Variants in MTAP observed in about 807,000 individuals in gnomAD.
MTAP encodes the protein S-methyl-5'-thioadenosine phosphorylase.
In MTAP, 33 loss-of-function variants were observed where a neutral mutation model predicts 33.6. The ratio of observed to expected loss-of-function variants is 0.98; its 90% CI spans 0.74 to 1.31. The LOEUF (loss-of-function observed/expected upper bound fraction) is 1.31, where lower values mean the gene tolerates loss of function less well. MTAP is among the 40% of genes most tolerant of loss of function. The probability of loss-of-function intolerance (pLI) is 0.00; values close to 1 mark genes in which losing one functional copy is unlikely to be tolerated. For synonymous variants in MTAP, 148 were observed against 125.7 expected (o/e 1.18, Z -1.19); for missense variants, 367 against 360.0 (o/e 1.02, Z -0.16).
chr9:21,843,008 G>A (rs541221814), intron 5 of MTAP, among the ~76,000 whole-genome samples: 3 of 152,280 alleles, frequency 2.0e-5, no homozygotes, highest in East Asian at 1.9e-4. Flanking sequence ...AGTATCTGCA[G>A]TCTTCAGGAG....
At chr9:21,838,975 T>C (rs960033900) in intron 5 of MTAP, among the ~76,000 whole-genome samples, 10 of 152,214 alleles carry the variant, frequency 6.6e-5, no homozygotes, top group South Asian at 2.1e-4. Context: ...TTATGTTTTA[T>C]CCTACATAAT....
intron 1 of MTAP, among the ~76,000 whole-genome samples, chr9:21,888,684 G>A (rs1448646168): frequency 1.3e-5 from 2 of 151,894 alleles, no homozygotes; most frequent in Non-Finnish European, 1.5e-5. Flanking sequence ...TTTTTCCACC[G>A]CTTTACCTTA....
chr9:21,807,562 G>A lies in MTAP; in HGVS notation c.33+4781G>A, dbSNP rs1417847365. On this transcript the variant is annotated intron_variant, in intron 1 of 7. Coordinates refer to ENST00000644715, the MANE Select transcript of MTAP (RefSeq NM_002451.4). The stretch of plus-strand genomic sequence containing the variant: ...AACCCTTAACCTCCTCCACAGAAAT[G>A]CCAGTAGCACTCCCCCTAGTCATGA... Among the ~76,000 whole-genome samples, 4 of 152,214 alleles carry A rather than the reference G, an allele frequency of 2.6e-5. No individual in the cohort carries two copies. In the South Asian group the frequency reaches 6.2e-4, roughly 24 times the overall value.
intron 1 of MTAP, among the ~76,000 whole-genome samples, chr9:21,880,710 A>C (rs957456340): frequency 9.2e-5 from 14 of 152,130 alleles, no homozygotes; most frequent in Non-Finnish European, 1.9e-4. Context: ...ACTGCAAAAC[A>C]TACTCTGCTT....
chr9:21,870,690 T>C (rs1042079932), downstream of MTAP, among the ~76,000 whole-genome samples: 2 of 151,858 alleles, frequency 1.3e-5, no homozygotes, highest in Non-Finnish European at 1.5e-5. Context: ...TTAAAAATTA[T>C]GAAATTTTTA....
chr9:21,822,845 G>C (rs940603149), intron 4 of MTAP, among the ~76,000 whole-genome samples: 1 of 152,138 alleles, frequency 6.6e-6, no homozygotes, highest in Non-Finnish European at 1.5e-5. Context: ...AGGATAGTTG[G>C]CTCTTCTTGT....
intron 1 of MTAP, among the ~76,000 whole-genome samples, chr9:21,927,750 G>T (rs1818892469): frequency 6.6e-6 from 1 of 152,170 alleles, no homozygotes; most frequent in Non-Finnish European, 1.5e-5. Flanking sequence ...ACATTGACCA[G>T]GGCCCTAAAA....
Position 21,864,674 on chromosome 9 carries a change from C to T in MTAP, c.*2660C>T. On this transcript the variant is annotated 3_prime_UTR_variant, in exon 8 of 8. Transcript: ENST00000644715. ...GCTGTGCAGGGCTGGAGGTAGCTACCATGGCTTGTTTCAAGGAAGGAAACT... is the reference window on the plus strand; with the variant it reads ...GCTGTGCAGGGCTGGAGGTAGCTACTATGGCTTGTTTCAAGGAAGGAAACT... 1 of 985,468 alleles carries T rather than the reference C, an allele frequency of 1.0e-6. No homozygotes were observed. Among genetic ancestry groups the T allele is most frequent in the Non-Finnish European group, 1.2e-6 (1 of 830,000 alleles). 61.0% of individuals were successfully genotyped at this position (985,468 alleles called of 1,614,324 possible).
rs753392319 is a variant in MTAP at position 21,802,985 on chromosome 9, AACACACACACACACACAC to A, written c.33+239_33+256del. 7.6e-3 allele frequency: 3,374 copies of A among 444,638 alleles called. 11 individuals are homozygous for A. Among genetic ancestry groups the A allele is most frequent in the Middle Eastern group, 0.014 (23 of 1,664 alleles). 27.5% of individuals were successfully genotyped at this position (444,638 alleles called of 1,614,324 possible). A position where few individuals can be genotyped will look rare whatever the true frequency, so the allele number is the denominator to read the frequency against. On this transcript the variant is annotated intron_variant, in intron 1 of 7. Transcript: ENST00000644715. The stretch of plus-strand genomic sequence containing the variant: ...CAAATGATCCCCCTGCCGCACCGCC[AACACACACACACACACAC>A]ACACACACACACACACACACACACA...
chr9:21,884,838 G>C (rs1201946664), intron 1 of MTAP, among the ~76,000 whole-genome samples: 2 of 152,132 alleles, frequency 1.3e-5, no homozygotes, highest in Non-Finnish European at 2.9e-5. Flanking sequence ...CTATAAAATT[G>C]CATGATTCCC....
chr9:21,902,272 C>T (rs1230118865), intron 1 of MTAP, among the ~76,000 whole-genome samples: 2 of 152,200 alleles, frequency 1.3e-5, no homozygotes, highest in Non-Finnish European at 2.9e-5. Flanking sequence ...GCTAGTGTCC[C>T]TTCAAACCCT....
At chr9:21,819,634 A>G (rs1194661336) in intron 4 of MTAP, among the ~76,000 whole-genome samples, 2 of 152,238 alleles carry the variant, frequency 1.3e-5, no homozygotes, top group African/African-American at 4.8e-5. Context: ...AGCATGATTT[A>G]TAATCCTTTG....
intron 6 of MTAP, among the ~76,000 whole-genome samples, chr9:21,856,479 A>G (rs1251964676): frequency 1.3e-5 from 2 of 152,152 alleles, no homozygotes; most frequent in African/African-American, 4.8e-5. Flanking sequence ...CTAAGGAACA[A>G]CTCAGCCTCG....
downstream of MTAP, chr9:21,932,509 T>G (rs139688230): frequency 3.9e-5 from 6 of 152,358 alleles, no homozygotes; most frequent in African/African-American, 1.2e-4. Flanking sequence ...TTTTCAGGTT[T>G]TTTTGTGTGT....
chr9:21,913,342 C>T (rs1818617717), intron 1 of MTAP, among the ~76,000 whole-genome samples: 2 of 152,170 alleles, frequency 1.3e-5, no homozygotes, highest in Non-Finnish European at 2.9e-5. Flanking sequence ...GCCAAAAGAA[C>T]AAAGCTGGAG....
In MTAP at chr9:21,865,135, C is replaced by T. The variant is rs1587260547; in HGVS notation, c.*3121C>T. 1.0e-6 allele frequency: 1 copy of T among 971,582 alleles called. No homozygotes were observed. Among genetic ancestry groups the T allele is most frequent in the East Asian group, 1.1e-4 (1 of 8,726 alleles). The allele number at this position is 971,582 out of a possible 1,614,324, so 60.2% of individuals were successfully genotyped here. Reference sequence around the variant, plus strand: ...TGAATTGTAGTTCCCATAATCCCCACATGTTGTGGGAGGGACCCAGTGGGA... The same window carrying T: ...TGAATTGTAGTTCCCATAATCCCCATATGTTGTGGGAGGGACCCAGTGGGA... On this transcript the variant is annotated 3_prime_UTR_variant, in exon 8 of 8. Transcript: ENST00000644715.
intron 4 of MTAP, among the ~76,000 whole-genome samples, chr9:21,835,277 T>G (rs1825077828): frequency 6.6e-6 from 1 of 152,172 alleles, no homozygotes; most frequent in South Asian, 2.1e-4. Context: ...ATAGGAATTT[T>G]GGGAGGACAC....
chr9:21,884,972 A>T (rs1351867438), intron 1 of MTAP, among the ~76,000 whole-genome samples: 1 of 152,176 alleles, frequency 6.6e-6, no homozygotes, highest in African/African-American at 2.4e-5. Context: ...ACTAACCTTT[A>T]GAAGGGAGGG....
intron 7 of MTAP, chr9:21,860,674 T>C (rs1330143790): frequency 6.6e-6 from 1 of 152,216 alleles, no homozygotes; most frequent in African/African-American, 2.4e-5. Flanking sequence ...AAAAAACGCA[T>C]GTTGGTTTGC....
Sources: allele counts gnomAD v4.1 joint callset (sites outside exome capture counted in the v4.1 genomes callset), GRCh38; gene constraint gnomAD v4.1.1; transcripts MANE v1.5; gene names NCBI Gene and HGNC (gene_info 2026-07-23, HGNC 2026-07-21).